KLF12: variants seen among roughly 807,000 people sequenced by gnomAD.
KLF12 encodes Krueppel-like factor 12.
KLF12 carries 9 observed loss-of-function variants against 37.8 expected under a neutral mutation model. The ratio of observed to expected loss-of-function variants is 0.24; its 90% CI spans 0.14 to 0.42. The LOEUF (loss-of-function observed/expected upper bound fraction) is 0.42. KLF12 is among the 10% of genes least tolerant of loss of function. KLF12 has a pLI of 1.00. For missense variants in KLF12, 411 were observed against 516.0 expected (o/e 0.80, Z 1.97); for synonymous variants, 208 against 202.1 (o/e 1.03, Z -0.25).
At chr13:74,153,129 C>CTTTT in the KLF12 span, among the ~76,000 whole-genome samples, 1 of 151,448 alleles carries the variant, frequency 6.6e-6, no homozygotes, top group African/African-American at 2.4e-5. Flanking sequence ...AGACAAAATG[C>CTTTT]TTTTTTTCTC....
At chr13:74,209,750 A>G in the KLF12 span, among the ~76,000 whole-genome samples, 19 of 152,344 alleles carry the variant, frequency 1.2e-4, no homozygotes, top group Admixed American at 5.9e-4. Flanking sequence ...TACATCATAT[A>G]TGTGAAGTGC....
At chr13:73,784,731 A>T (rs7339334) in intron 5 of KLF12, among the ~76,000 whole-genome samples, 12 of 150,894 alleles carry the variant, frequency 8.0e-5, no homozygotes, top group Admixed American at 1.3e-4. Flanking sequence ...CCTGAGTTCA[A>T]GCCATTCTCC....
intron 3 of KLF12, among the ~76,000 whole-genome samples, chr13:73,890,299 G>A (rs1030525779): frequency 2.0e-5 from 3 of 152,008 alleles, no homozygotes; most frequent in African/African-American, 7.2e-5. Context: ...TTCAAGTAAT[G>A]AAAGTCAGCC....
At chr13:73,876,023 A>G (rs1293617372) in intron 3 of KLF12, among the ~76,000 whole-genome samples, 1 of 152,066 alleles carries the variant, frequency 6.6e-6, no homozygotes, top group Admixed American at 6.6e-5. Context: ...AGATTCTTGT[A>G]TTAATTTTCT....
At chr13:73,918,699 A>G (rs1274621484) in intron 3 of KLF12, among the ~76,000 whole-genome samples, 1 of 152,194 alleles carries the variant, frequency 6.6e-6, no homozygotes, top group Non-Finnish European at 1.5e-5. Context: ...CAGTAACAGA[A>G]TTATCCAACA....
the KLF12 span, among the ~76,000 whole-genome samples, chr13:74,166,812 C>T: frequency 4.6e-5 from 7 of 152,160 alleles, no homozygotes; most frequent in Non-Finnish European, 7.4e-5. Context: ...TCTTTAACCT[C>T]TTTCAAATAT....
the KLF12 span, among the ~76,000 whole-genome samples, chr13:74,278,170 C>T: frequency 6.6e-6 from 1 of 152,144 alleles, no homozygotes; most frequent in Non-Finnish European, 1.5e-5. Flanking sequence ...CCCTCCCTTG[C>T]CCCAACCAAT....
chr13:74,103,416 A>G (rs1876474068), intron 1 of KLF12, among the ~76,000 whole-genome samples: 1 of 152,206 alleles, frequency 6.6e-6, no homozygotes, highest in African/African-American at 2.4e-5. Context: ...AAGAAATATC[A>G]TCAGCAGTGC....
intron 3 of KLF12, among the ~76,000 whole-genome samples, chr13:73,877,437 T>C (rs1391194762): frequency 6.6e-6 from 1 of 152,228 alleles, no homozygotes; most frequent in African/African-American, 2.4e-5. Flanking sequence ...AATTTCCTTT[T>C]AGTCTCTCAG....
intron 3 of KLF12, among the ~76,000 whole-genome samples, chr13:73,847,524 T>C (rs1885095687): frequency 6.6e-6 from 1 of 152,088 alleles, no homozygotes. Context: ...TACAGCTCCA[T>C]TCAAAACATA....
At chr13:73,797,578 T>G (rs113655244) in intron 5 of KLF12, among the ~76,000 whole-genome samples, 56 of 152,154 alleles carry the variant, frequency 3.7e-4, no homozygotes, top group Non-Finnish European at 6.5e-4. Flanking sequence ...GAGACCAGCC[T>G]GGACAACACA....
At chr13:74,293,820 G>C in the KLF12 span, among the ~76,000 whole-genome samples, 1 of 152,112 alleles carries the variant, frequency 6.6e-6, no homozygotes, top group Non-Finnish European at 1.5e-5. Context: ...TCTTTTTCTA[G>C]AAACTTCTGA....
At chr13:73,817,330 AAAAG>A (rs1266265161) in intron 4 of KLF12, among the ~76,000 whole-genome samples, 2 of 123,054 alleles carry the variant, frequency 1.6e-5, no homozygotes, top group African/African-American at 2.9e-5. Flanking sequence ...AAAAAAAAAG[AAAAG>A]AAAAAAAAGA....
chr13:73,753,655 C>T (rs1342239585), intron 6 of KLF12, among the ~76,000 whole-genome samples: 1 of 130,930 alleles, frequency 7.6e-6, no homozygotes, highest in Non-Finnish European at 1.7e-5. Context: ...AGTGATAATG[C>T]TACCAAGTGT....
In KLF12 at chr13:73,746,879, A is replaced by G. The variant is rs958759226; in HGVS notation, c.869+18059T>C. On this transcript the variant is annotated intron_variant, in intron 6 of 7. Coordinates refer to ENST00000377669, the MANE Select transcript of KLF12 (RefSeq NM_007249.5). ...GCCCAGGCTGGAGTGCAATGGCACA[A>G]TCTTGGCTCACTGCAACCTCTGCCT... is the stretch of plus-strand genomic sequence containing the variant. Among the ~76,000 whole-genome samples, 3 of 145,276 alleles carry G rather than the reference A, an allele frequency of 2.1e-5. No individual in the cohort carries two copies. In the Admixed American group the frequency reaches 2.1e-4, roughly 10 times the overall value.
rs1888401080 is a variant in KLF12 at position 73,908,329 on chromosome 13, G to A, written c.123+35652C>T. On this transcript the variant is annotated intron_variant, in intron 3 of 7. Coordinates refer to ENST00000377669, the MANE Select transcript of KLF12 (RefSeq NM_007249.5). ...AGGCGGGAGAATCGCTTGAACCCAG[G>A]AGGTGGAGGTTGCAGTGAGCCGAGA... 2.0e-5 allele frequency among the ~76,000 whole-genome samples: 3 copies of A among 150,136 alleles called. No homozygotes were observed. In the South Asian group the frequency reaches 6.5e-4, roughly 32 times the overall value.
the KLF12 span, among the ~76,000 whole-genome samples, chr13:74,267,042 C>T: frequency 6.6e-6 from 1 of 152,140 alleles, no homozygotes; most frequent in African/African-American, 2.4e-5. Flanking sequence ...ATAACTCACT[C>T]TCTAGATGTC....
At chr13:74,131,057 C>G (rs185755193) in intron 1 of KLF12, among the ~76,000 whole-genome samples, 55 of 152,244 alleles carry the variant, frequency 3.6e-4, no homozygotes, top group Non-Finnish European at 6.8e-4. Flanking sequence ...CTAGATTAAC[C>G]AACACTGGCT....
chr13:73,968,486 T>C (rs1479577001), intron 2 of KLF12, among the ~76,000 whole-genome samples: 1 of 152,198 alleles, frequency 6.6e-6, no homozygotes, highest in Admixed American at 6.5e-5. Flanking sequence ...CAAATCATTA[T>C]TTGATAATAG....
Sources: gnomAD v4.1 joint callset for allele counts (sites outside exome capture counted in the v4.1 genomes callset) on GRCh38, gnomAD v4.1.1 for gene constraint, MANE v1.5 for transcripts, NCBI Gene and HGNC (gene_info 2026-07-23, HGNC 2026-07-21) for gene names.